CCDC192: variants seen among roughly 807,000 people sequenced by gnomAD.
CCDC192 encodes the protein coiled-coil domain containing 192, also known as coiled-coil domain-containing protein 192.
At chr5:127,899,615 G>T (rs1055740946) in intron 6 of CCDC192, among the ~76,000 whole-genome samples, 6 of 151,474 alleles carry the variant, frequency 4.0e-5, no homozygotes, top group African/African-American at 1.5e-4. Context: ...TTAAACAGCT[G>T]TCCATTCAAA....
intron 6 of CCDC192, among the ~76,000 whole-genome samples, chr5:127,898,321 C>A (rs1015687302): frequency 6.6e-6 from 1 of 152,214 alleles, no homozygotes; most frequent in Admixed American, 6.5e-5. Context: ...GTTGGCCAGG[C>A]TGGTCTTGAA....
At chr5:127,769,413 A>ATGTGTGTG (rs140726654) in intron 3 of CCDC192, among the ~76,000 whole-genome samples, 8 of 146,218 alleles carry the variant, frequency 5.5e-5, no homozygotes, top group African/African-American at 1.7e-4. Flanking sequence ...TTTTGTGTGT[A>ATGTGTGTG]TGTGTGTGTG....
chr5:127,739,791 G>C, intron 2 of CCDC192: 1 of 153,454 alleles, frequency 6.5e-6, no homozygotes, highest in Non-Finnish European at 1.5e-5. Flanking sequence ...GCTTCGGCTC[G>C]CGCATGGTGT....
At chr5:127,752,373 T>C (rs1193755082) in intron 2 of CCDC192, among the ~76,000 whole-genome samples, 2 of 152,138 alleles carry the variant, frequency 1.3e-5, no homozygotes, top group African/African-American at 2.4e-5. Context: ...TACCCTGCCG[T>C]GTGAGGTGTC....
chr5:127,823,749 C>T (rs942537801), intron 5 of CCDC192, among the ~76,000 whole-genome samples: 4 of 152,182 alleles, frequency 2.6e-5, no homozygotes, highest in Non-Finnish European at 4.4e-5. Flanking sequence ...TCTTGTAGGC[C>T]TCAAAGAGGT....
At chr5:127,833,370 A>G (rs1365670400) in intron 5 of CCDC192, among the ~76,000 whole-genome samples, 2 of 152,168 alleles carry the variant, frequency 1.3e-5, no homozygotes, top group African/African-American at 4.8e-5. Context: ...TGGTGGGCAC[A>G]TGCAGAGCTC....
intron 5 of CCDC192, among the ~76,000 whole-genome samples, chr5:127,863,933 G>A (rs1751483454): frequency 6.6e-6 from 1 of 152,150 alleles, no homozygotes; most frequent in Non-Finnish European, 1.5e-5. Context: ...ATATGTATTT[G>A]TTGTGCATCT....
intron 5 of CCDC192, among the ~76,000 whole-genome samples, chr5:127,833,505 A>G (rs1275378835): frequency 6.6e-6 from 1 of 152,152 alleles, no homozygotes; most frequent in African/African-American, 2.4e-5. Context: ...TATCCTCCTT[A>G]TACTACATGC....
intron 2 of CCDC192, among the ~76,000 whole-genome samples, chr5:127,716,060 C>T (rs144491772): frequency 1.3e-5 from 2 of 152,234 alleles, no homozygotes; most frequent in South Asian, 2.1e-4. Context: ...GAGGCAGATT[C>T]CTTCTATACC....
rs60238996 is a variant in CCDC192 at position 127,788,083 on chromosome 5, G to GAAA, written c.223-9002_223-9000dup. ...GGTAACAGAGTGAGACTTCACCTCA[G>GAAA]AAAAAAAAAAAAAAAAAAAAGGGGG... is the stretch of plus-strand genomic sequence containing the variant. On this transcript the variant is annotated intron_variant, in intron 3 of 6. Transcript: ENST00000514853. Among the ~76,000 whole-genome samples the GAAA allele has an allele frequency of 1.6e-3, 150 of 94,432 alleles. 2 individuals carry two copies. Among genetic ancestry groups the GAAA allele is most frequent in the African/African-American group, 3.7e-3 (94 of 25,390 alleles). The allele number at this position is 94,432 out of a possible 152,430, so 62.0% of individuals were successfully genotyped here. A position where few individuals can be genotyped will look rare whatever the true frequency, so the allele number is the denominator to read the frequency against.
intron 2 of CCDC192, among the ~76,000 whole-genome samples, chr5:127,726,909 A>C (rs1362743433): frequency 6.6e-6 from 1 of 152,198 alleles, no homozygotes; most frequent in Non-Finnish European, 1.5e-5. Context: ...AGAGTGCTTC[A>C]GTAAGCAAGT....
intron 6 of CCDC192, among the ~76,000 whole-genome samples, chr5:127,906,936 A>AT: frequency 6.6e-6 from 1 of 152,254 alleles, no homozygotes; most frequent in Non-Finnish European, 1.5e-5. Flanking sequence ...CTGCTGAACC[A>AT]TTTTACATTC....
At position 127,915,673 on chromosome 5, in the gene CCDC192, G is replaced by A. The variant is rs535803036; in HGVS notation, c.536-25509G>A. On this transcript the variant is annotated intron_variant, in intron 6 of 6. Coordinates refer to ENST00000514853, the MANE Select transcript of CCDC192 (RefSeq NM_001317938.2). ...TGGGATTATAGGCGTGAGCCACTGC[G>A]CCCAGCAATACTTCATAAACTTTCT... is the stretch of plus-strand genomic sequence containing the variant. 5.7e-4 allele frequency among the ~76,000 whole-genome samples: 87 copies of A among 152,226 alleles called. 1 individual carries two copies. The highest frequency in any genetic ancestry group is 1.1e-3 in the African/African-American group (45 of 41,538).
At chr5:127,827,295 A>G (rs1309070221) in intron 5 of CCDC192, among the ~76,000 whole-genome samples, 1 of 152,198 alleles carries the variant, frequency 6.6e-6, no homozygotes, top group Non-Finnish European at 1.5e-5. Context: ...CCAAGTACCC[A>G]TTTGGTCTGT....
intron 1 of CCDC192, among the ~76,000 whole-genome samples, chr5:127,707,296 G>A (rs766730657): frequency 6.6e-6 from 1 of 151,438 alleles, no homozygotes; most frequent in Non-Finnish European, 1.5e-5. Context: ...TAAGCTAATG[G>A]AAATGATCCA....
chr5:127,872,969 AT>A (rs779707477), intron 5 of CCDC192, among the ~76,000 whole-genome samples: 1 of 152,186 alleles, frequency 6.6e-6, no homozygotes, highest in African/African-American at 2.4e-5. Flanking sequence ...GTAATTGAAT[AT>A]TTTTTTAAAA....
At chr5:127,703,682 G>T (rs887202053) in intron 1 of CCDC192, among the ~76,000 whole-genome samples, 175 bp downstream of exon 1, 9 of 152,172 alleles carry the variant, frequency 5.9e-5, no homozygotes, top group Non-Finnish European at 1.2e-4. Context: ...TGTCTTCCCA[G>T]ATCACAGGGC....
intron 6 of CCDC192, among the ~76,000 whole-genome samples, chr5:127,903,948 C>T (rs1427462925): frequency 2.0e-5 from 3 of 152,108 alleles, no homozygotes; most frequent in Non-Finnish European, 2.9e-5. Flanking sequence ...GATGTCTTTA[C>T]CTAAATCCTG....
intron 5 of CCDC192, among the ~76,000 whole-genome samples, chr5:127,847,559 T>C (rs547561802): frequency 2.8e-3 from 421 of 152,298 alleles, no homozygotes; most frequent in African/African-American, 9.5e-3. Context: ...TAGCTATATG[T>C]CATTTTGTAC....
Sources: gnomAD v4.1 joint callset for allele counts (sites outside exome capture counted in the v4.1 genomes callset) on GRCh38, gnomAD v4.1.1 for gene constraint, MANE v1.5 for transcripts, NCBI Gene and HGNC (gene_info 2026-07-23, HGNC 2026-07-21) for gene names.